The following PRIM2 variants were observed in gnomAD, a reference collection of about 807,000 sequenced individuals.
PRIM2 encodes the protein DNA primase subunit 2.
Under a neutral mutation model 67.3 loss-of-function variants are expected in PRIM2, and 39 were observed. The ratio of observed to expected loss-of-function variants is 0.58; its 90% CI spans 0.45 to 0.76. PRIM2 has a LOEUF of 0.76. PRIM2 is among the 30% of genes least tolerant of loss of function. The probability of loss-of-function intolerance (pLI) is 0.00; values close to 1 mark genes in which losing one functional copy is unlikely to be tolerated. For missense variants in PRIM2, 398 were observed against 598.7 expected (o/e 0.66, Z 3.50); for synonymous variants, 143 against 198.7 (o/e 0.72, Z 2.36).
At chr6:57,286,490 A>G in the PRIM2 span, among the ~76,000 whole-genome samples, 2 of 152,206 alleles carry the variant, frequency 1.3e-5, no homozygotes, top group Non-Finnish European at 2.9e-5. Flanking sequence ...CAATCCTGAC[A>G]AAAATAAACA....
intron 8 of PRIM2, among the ~76,000 whole-genome samples, chr6:57,520,273 A>T (rs1774584046): frequency 6.6e-6 from 1 of 152,136 alleles, no homozygotes; most frequent in Non-Finnish European, 1.5e-5. Flanking sequence ...AGCATTCCAC[A>T]TTGTGTAAAT....
chr6:57,453,168 A>G (rs1282700269), intron 7 of PRIM2, among the ~76,000 whole-genome samples: 1 of 152,184 alleles, frequency 6.6e-6, no homozygotes, highest in East Asian at 1.9e-4. Context: ...TACAAATACC[A>G]TGCTGTTTTG....
Position 57,509,923 on chromosome 6 carries a change from C to T in PRIM2, c.761+2469C>T, listed in dbSNP as rs1554347549. On this transcript the variant is annotated intron_variant, in intron 8 of 13. Transcript: ENST00000615550. ...AGTATATTGTAGATGTATATACATACGCAAATCTATTTATATTCTCCTCAT... is the reference window on the plus strand; with the variant it reads ...AGTATATTGTAGATGTATATACATATGCAAATCTATTTATATTCTCCTCAT... Among the ~76,000 whole-genome samples, 1,408 of 150,468 alleles carry T rather than the reference C, an allele frequency of 9.4e-3. 20 individuals are homozygous for T. The highest frequency in any genetic ancestry group is 0.032 in the African/African-American group (1,310 of 41,098).
chr6:57,484,062 T>A (rs1437085351), intron 7 of PRIM2, among the ~76,000 whole-genome samples: 3 of 152,226 alleles, frequency 2.0e-5, no homozygotes, highest in Non-Finnish European at 2.9e-5. Flanking sequence ...ATTCATTGAT[T>A]TAATAATACC....
the PRIM2 span, among the ~76,000 whole-genome samples, chr6:57,297,335 G>C: frequency 3.8e-3 from 575 of 152,118 alleles, 4 homozygotes; most frequent in African/African-American, 0.013. Context: ...CCAGCTACTC[G>C]GGAGGCTGAG....
At position 57,466,760 on chromosome 6, in the gene PRIM2, T is replaced by G. The variant is rs1357272952; in HGVS notation, c.694-40627T>G. ...AGATTGCAAACATTTTCTGTCATTC[T>G]GTAGGTTGCCTGTTCACTCTGATGA... On this transcript the variant is annotated intron_variant, in intron 7 of 13. Coordinates refer to ENST00000615550, the MANE Select transcript of PRIM2 (RefSeq NM_000947.5). 1.4e-3 allele frequency among the ~76,000 whole-genome samples: 208 copies of G among 152,364 alleles called. 1 individual carries two copies. The highest frequency in any genetic ancestry group is 4.7e-3 in the African/African-American group (195 of 41,590).
chr6:57,442,685 A>G (rs139087299), intron 7 of PRIM2, among the ~76,000 whole-genome samples: 181 of 152,158 alleles, frequency 1.2e-3, no homozygotes, highest in African/African-American at 4.1e-3. Flanking sequence ...TTTATTGTAA[A>G]TTGGCAGTTT....
chr6:57,378,375 T>TA (rs1372088806), intron 5 of PRIM2, among the ~76,000 whole-genome samples: 26 of 150,354 alleles, frequency 1.7e-4, no homozygotes, highest in South Asian at 1.3e-3. Context: ...CTTTTGCTTT[T>TA]AAAAAAAAAA....
At chr6:57,460,980 AG>A (rs1409384671) in intron 7 of PRIM2, among the ~76,000 whole-genome samples, 1 of 152,248 alleles carries the variant, frequency 6.6e-6, no homozygotes, top group East Asian at 1.9e-4. Flanking sequence ...ATTAGAATCA[AG>A]GAAACTAGAA....
chr6:57,507,294 C>T, intron 7 of PRIM2, 93 bp from the exon 8 acceptor site: 1 of 835,000 alleles, frequency 1.2e-6, no homozygotes, highest in East Asian at 2.7e-5. Flanking sequence ...TATTGCCTCC[C>T]TATCTGCCCT....
intron 8 of PRIM2, among the ~76,000 whole-genome samples, chr6:57,514,493 G>GT (rs1374905551): frequency 2.8e-4 from 43 of 152,078 alleles, no homozygotes; most frequent in African/African-American, 9.7e-4. Context: ...CTCATCACCT[G>GT]TTTCCAGTCT....
the PRIM2 span, among the ~76,000 whole-genome samples, chr6:57,282,333 C>T: frequency 6.6e-6 from 1 of 152,082 alleles, no homozygotes; most frequent in Non-Finnish European, 1.5e-5. Context: ...TATGCTTTTT[C>T]TTTTAGAGGT....
chr6:57,239,692 G>A, the PRIM2 span, among the ~76,000 whole-genome samples: 2 of 152,160 alleles, frequency 1.3e-5, no homozygotes, highest in African/African-American at 2.4e-5. Flanking sequence ...GCTGCATTGA[G>A]CCAAGATTGC....
intron 8 of PRIM2, among the ~76,000 whole-genome samples, chr6:57,507,888 C>G (rs1774282176): frequency 6.6e-6 from 1 of 152,054 alleles, no homozygotes; most frequent in African/African-American, 2.4e-5. Flanking sequence ...AAGGAAAAAC[C>G]TATCATTACT....
intron 5 of PRIM2, among the ~76,000 whole-genome samples, chr6:57,358,909 C>T (rs1020383645): frequency 6.6e-6 from 1 of 151,982 alleles, no homozygotes; most frequent in Non-Finnish European, 1.5e-5. Context: ...ATGTCACCAC[C>T]CCTTGAATCT....
At chr6:57,339,598 A>G (rs1768396397) in intron 5 of PRIM2, among the ~76,000 whole-genome samples, 1 of 152,192 alleles carries the variant, frequency 6.6e-6, no homozygotes, top group Admixed American at 6.5e-5. Context: ...AAAAACAAGC[A>G]ATGGGGAAAG....
At chr6:57,645,858 C>T (rs1471958126) in intron 13 of PRIM2, 70 bp from the exon 14 acceptor site, 2 of 824,604 alleles carry the variant, frequency 2.4e-6, no homozygotes, top group Non-Finnish European at 3.9e-6. Context: ...AGTACTAAAA[C>T]AGCTTTTGAA....
intron 7 of PRIM2, among the ~76,000 whole-genome samples, chr6:57,407,635 G>A (rs528432713): frequency 1.8e-4 from 28 of 152,136 alleles, no homozygotes; most frequent in Non-Finnish European, 3.1e-4. Context: ...GGCCTGAGGC[G>A]GTACACAGTG....
intron 5 of PRIM2, among the ~76,000 whole-genome samples, chr6:57,340,358 A>G (rs1464826772): frequency 6.6e-6 from 1 of 152,184 alleles, no homozygotes; most frequent in African/African-American, 2.4e-5. Flanking sequence ...ATTACTGGGT[A>G]TATACCCAAA....
Sources: allele counts gnomAD v4.1 joint callset (sites outside exome capture counted in the v4.1 genomes callset), GRCh38; gene constraint gnomAD v4.1.1; transcripts MANE v1.5; gene names NCBI Gene and HGNC (gene_info 2026-07-23, HGNC 2026-07-21).